Variants in PRUNE2 observed in about 807,000 individuals in gnomAD.
PRUNE2 encodes the protein prune homolog 2 with BCH domain.
In PRUNE2, 164 loss-of-function variants were observed where a neutral mutation model predicts 252.0. The observed-to-expected ratio is 0.65, with a 90% CI of 0.57 to 0.74. The LOEUF (loss-of-function observed/expected upper bound fraction) is 0.74. PRUNE2 is among the 30% of genes least tolerant of loss of function. PRUNE2 has a pLI of 0.00. For missense variants in PRUNE2, 3,495 were observed against 3,711.0 expected, an observed-to-expected ratio of 0.94 and a Z score of 1.51; for synonymous variants, 1,292 against 1,350.2, an observed-to-expected ratio of 0.96 and a Z score of 0.94.
At chr9:76,730,796 G>C (rs920544335) in intron 6 of PRUNE2, among the ~76,000 whole-genome samples, 2 of 152,144 alleles carry the variant, frequency 1.3e-5, no homozygotes, top group Non-Finnish European at 2.9e-5. Context: ...CCAGCTATTC[G>C]GGAGGCTGAG....
chr9:76,709,236 T>TGTTGCAGTGACC lies in PRUNE2; in HGVS notation c.3037_3038insGGTCACTGCAAC (p.Pro1012_Gln1013insArgSerLeuGln), dbSNP rs1247044983. 6.2e-7 allele frequency: 1 copy of TGTTGCAGTGACC among 1,613,834 alleles called. No individual in the cohort carries two copies. Among genetic ancestry groups the TGTTGCAGTGACC allele is most frequent in the African/African-American group, 1.3e-5 (1 of 74,938 alleles). On this transcript the variant is annotated inframe_insertion, in exon 8 of 19. Coordinates refer to ENST00000376718, the MANE Select transcript of PRUNE2 (RefSeq NM_015225.3). ...ATTTCGAGATGACTGTTGCAGTGAC[T>TGTTGCAGTGACC]GAGGAGGAATGTCAGTCTCCTCTGC...
intron 1 of PRUNE2, among the ~76,000 whole-genome samples, chr9:76,902,189 A>T (rs995892695): frequency 6.6e-6 from 1 of 152,080 alleles, no homozygotes; most frequent in Admixed American, 6.6e-5. Context: ...GGGAACATGG[A>T]CCATTTACTG....
chr9:76,870,675 G>A (rs1162348589), intron 1 of PRUNE2, among the ~76,000 whole-genome samples: 1 of 144,736 alleles, frequency 6.9e-6, no homozygotes, highest in African/African-American at 2.6e-5. Flanking sequence ...GACAGAGCGA[G>A]ATTCTGTCTC....
At chr9:76,629,064 A>T in intron 16 of PRUNE2, 128 bp downstream of exon 16, 2 of 568,868 alleles carry the variant, frequency 3.5e-6, no homozygotes, top group East Asian at 6.1e-5. Flanking sequence ...GGCTGATTGC[A>T]AACTCCTGGG....
intron 1 of PRUNE2, among the ~76,000 whole-genome samples, chr9:76,882,608 G>C (rs552522421): frequency 6.6e-6 from 1 of 152,162 alleles, no homozygotes; most frequent in Non-Finnish European, 1.5e-5. Flanking sequence ...CACATGGTGG[G>C]AACAGGAGCA....
At chr9:76,617,581 G>A (rs973714014) in intron 18 of PRUNE2, among the ~76,000 whole-genome samples, 7 of 151,962 alleles carry the variant, frequency 4.6e-5, no homozygotes, top group African/African-American at 1.7e-4. Context: ...CTGTGATCTT[G>A]TGCCTCTTAA....
intron 6 of PRUNE2, among the ~76,000 whole-genome samples, chr9:76,793,824 C>A (rs1163722342): frequency 6.6e-6 from 1 of 152,054 alleles, no homozygotes; most frequent in African/African-American, 2.4e-5. Flanking sequence ...CATTACAAAT[C>A]TAGGTCTAGA....
At chr9:76,676,265 C>A (rs2042563785) in intron 9 of PRUNE2, among the ~76,000 whole-genome samples, 1 of 107,026 alleles carries the variant, frequency 9.3e-6, no homozygotes, top group African/African-American at 2.9e-5. Context: ...AAATCTTCCA[C>A]TCAAATTTTT....
intron 6 of PRUNE2, chr9:76,783,775 A>G (rs1462852761): frequency 6.6e-6 from 1 of 152,164 alleles, no homozygotes; most frequent in Non-Finnish European, 1.5e-5. Flanking sequence ...GATAATTAAC[A>G]TCACTAGAAA....
At chr9:76,767,281 G>A (rs1348644138) in intron 6 of PRUNE2, among the ~76,000 whole-genome samples, 6 of 151,964 alleles carry the variant, frequency 3.9e-5, no homozygotes, top group African/African-American at 4.8e-5. Context: ...GTGAAACCTC[G>A]TCTCTACTAA....
At position 76,705,831 on chromosome 9, in the gene PRUNE2, T is replaced by C; in HGVS notation, c.6443A>G (p.Glu2148Gly). 6.2e-7 allele frequency: 1 copy of C among 1,613,660 alleles called. No individual in the cohort carries two copies. The highest frequency in any genetic ancestry group is 8.5e-7 in the Non-Finnish European group (1 of 1,179,898). The change falls in exon 8 of 19, where the codon GAG becomes GGG. Residue 2148 changes from glutamate to glycine, a missense_variant. By Grantham distance (98) the Glu-to-Gly change is moderately conservative (BLOSUM62 -2). Coordinates refer to ENST00000376718, the MANE Select transcript of PRUNE2 (RefSeq NM_015225.3). Reference protein sequence around the residue: ...EPEIDEEPIYEPGREFVPSNA... With the variant: ...EPEIDEEPIYGPGREFVPSNA... The stretch of plus-strand genomic sequence containing the variant: ...GGATGGGACAAACTCCCGTCCAGGC[T>C]CATAAATGGGTTCTTCATCTATCTC...
At chr9:76,854,307 T>C in intron 1 of PRUNE2, 99 bp from the exon 2 acceptor site, 1 of 534,846 alleles carries the variant, frequency 1.9e-6, no homozygotes, top group East Asian at 3.0e-5. Context: ...TCCATATTGA[T>C]ACACAATGGC....
intron 6 of PRUNE2, among the ~76,000 whole-genome samples, chr9:76,718,858 C>T (rs891085162): frequency 3.3e-5 from 5 of 152,172 alleles, no homozygotes; most frequent in Non-Finnish European, 5.9e-5. Flanking sequence ...ATGGCACCAC[C>T]GTCTACCCAG....
intron 6 of PRUNE2, among the ~76,000 whole-genome samples, chr9:76,725,562 C>CT (rs1186621040): frequency 2.6e-5 from 4 of 151,118 alleles, no homozygotes; most frequent in African/African-American, 9.8e-5. Context: ...TTTTTGAAGT[C>CT]TAAAAAAAAA....
At chr9:76,815,145 A>G (rs900818693) in intron 6 of PRUNE2, among the ~76,000 whole-genome samples, 1 of 152,168 alleles carries the variant, frequency 6.6e-6, no homozygotes, top group African/African-American at 2.4e-5. Context: ...CCCCGCCCCA[A>G]TCTTCTCTAC....
At position 76,800,844 on chromosome 9, in the gene PRUNE2, C is replaced by T. The variant is rs117729157; in HGVS notation, c.756+22788G>A. ...AGTGGAAACAAACACTGAATAACAT[C>T]TGAATAAATTACAAGATATATTTTA... On this transcript the variant is annotated intron_variant, in intron 6 of 18. Coordinates refer to ENST00000376718, the MANE Select transcript of PRUNE2 (RefSeq NM_015225.3). Among the ~76,000 whole-genome samples the T allele has an allele frequency of 1.2e-3, 189 of 152,254 alleles. 3 individuals carry two copies. The East Asian group carries it at 0.032, about 26-fold the overall frequency.
rs922329103 is a variant in PRUNE2 at position 76,905,990 on chromosome 9, G to T, written c.-27C>A. 6.2e-7 allele frequency: 1 copy of T among 1,613,508 alleles called. No homozygotes were observed. Among genetic ancestry groups the T allele is most frequent in the Non-Finnish European group, 8.5e-7 (1 of 1,179,440 alleles). On this transcript the variant is annotated 5_prime_UTR_variant, in exon 1 of 19. Transcript: ENST00000376718. ...TCGTGGCTAGGGGTTTGGAACCCGG[G>T]TACTCGGAGGGGCGCAGTGGAAAAT... is the stretch of plus-strand genomic sequence containing the variant.
At chr9:76,745,073 G>T (rs2049983842) in intron 6 of PRUNE2, among the ~76,000 whole-genome samples, 1 of 143,494 alleles carries the variant, frequency 7.0e-6, no homozygotes, top group Non-Finnish European at 1.5e-5. Flanking sequence ...GAAAACAGGA[G>T]TAGGCACCCA....
At chr9:76,652,776 A>G in intron 10 of PRUNE2, 93 bp from the exon 11 acceptor site, 1 of 876,160 alleles carries the variant, frequency 1.1e-6, no homozygotes, top group Non-Finnish European at 1.8e-6. Flanking sequence ...CAAAATCTGA[A>G]ACTTTTTGAG....
Sources: gnomAD v4.1 joint callset for allele counts (sites outside exome capture counted in the v4.1 genomes callset) on GRCh38, gnomAD v4.1.1 for gene constraint, MANE v1.5 for transcripts, NCBI Gene and HGNC (gene_info 2026-07-23, HGNC 2026-07-21) for gene names.